The following NRXN1 variants were observed in gnomAD, a reference collection of about 807,000 sequenced individuals.
The protein encoded by NRXN1 is neurexin 1, also known as neurexin-1.
In NRXN1, 39 loss-of-function variants were observed where a neutral mutation model predicts 150.9. That is an observed-to-expected ratio of 0.26 (90% CI 0.20 to 0.34). The LOEUF is 0.34. Among genes scored for constraint, NRXN1 ranks in the 10% least tolerant of loss-of-function variants. NRXN1 has a pLI of 1.00. For missense variants in NRXN1, 1,815 were observed against 1,949.9 expected, an observed-to-expected ratio of 0.93 and a Z score of 1.30; for synonymous variants, 924 against 757.0, an observed-to-expected ratio of 1.22 and a Z score of -3.62.
intron 12 of NRXN1, among the ~76,000 whole-genome samples, chr2:50,515,986 T>A (rs1478460842): frequency 6.6e-6 from 1 of 152,140 alleles, no homozygotes; most frequent in Non-Finnish European, 1.5e-5. Context: ...GTCCTCCAGT[T>A]AAAAAAATTC....
At chr2:50,518,022 A>G (rs536326013) in intron 12 of NRXN1, among the ~76,000 whole-genome samples, 1 of 152,270 alleles carries the variant, frequency 6.6e-6, no homozygotes, top group East Asian at 1.9e-4. Flanking sequence ...CTACTAAGAA[A>G]CATTAAGCCT....
chr2:50,118,311 A>C (rs193157010), intron 18 of NRXN1, among the ~76,000 whole-genome samples: 1 of 152,306 alleles, frequency 6.6e-6, no homozygotes, highest in African/African-American at 2.4e-5. Flanking sequence ...TGATGCCGCC[A>C]GTCTGCAGGT....
intron 5 of NRXN1, among the ~76,000 whole-genome samples, chr2:50,697,017 T>C (rs1254443350): frequency 2.0e-5 from 3 of 152,138 alleles, no homozygotes; most frequent in Admixed American, 6.5e-5. Context: ...TTCAAGCACC[T>C]TAACAAACAA....
intron 17 of NRXN1, among the ~76,000 whole-genome samples, chr2:50,459,660 G>T (rs2087958527): frequency 6.6e-6 from 1 of 152,036 alleles, no homozygotes; most frequent in African/African-American, 2.4e-5. Flanking sequence ...TTTTATGTTT[G>T]CATGGTATTC....
chr2:50,263,684 A>T lies in NRXN1; in HGVS notation c.3365-26714T>A, dbSNP rs116796878. Among the ~76,000 whole-genome samples the T allele has an allele frequency of 4.2e-3, 638 of 152,228 alleles. 4 individuals carry two copies. The highest frequency in any genetic ancestry group is 0.014 in the African/African-American group (601 of 41,566). ...GAAAATAAATAAAGAGAAGAATAAA[A>T]ACAATAAGAACAATAACATTGGTTC... On this transcript the variant is annotated intron_variant, in intron 17 of 22. Coordinates refer to ENST00000401669, the MANE Select transcript of NRXN1 (RefSeq NM_001330078.2).
intron 5 of NRXN1, among the ~76,000 whole-genome samples, chr2:50,825,513 A>T (rs1670326192): frequency 6.6e-6 from 1 of 152,150 alleles, no homozygotes; most frequent in Non-Finnish European, 1.5e-5. Context: ...AATAACTCAA[A>T]AGGACTGGAG....
At chr2:50,196,054 C>T (rs1368937178) in intron 18 of NRXN1, among the ~76,000 whole-genome samples, 2 of 151,968 alleles carry the variant, frequency 1.3e-5, no homozygotes, top group Non-Finnish European at 2.9e-5. Flanking sequence ...TGATTTGCTG[C>T]ACCTATCAAC....
intron 2 of NRXN1, among the ~76,000 whole-genome samples, chr2:51,015,354 G>C (rs1030895472): frequency 1.3e-5 from 2 of 151,862 alleles, no homozygotes; most frequent in African/African-American, 4.8e-5. Flanking sequence ...ACCTCCTATG[G>C]GCAGAAGACA....
chr2:50,493,298 G>GA (rs967014183), intron 15 of NRXN1, among the ~76,000 whole-genome samples: 1 of 151,790 alleles, frequency 6.6e-6, no homozygotes, highest in African/African-American at 2.4e-5. Context: ...CATCCAGGTG[G>GA]AAAAAAGAAA....
chr2:50,595,060 C>T (rs1674935113), intron 8 of NRXN1, among the ~76,000 whole-genome samples: 1 of 150,692 alleles, frequency 6.6e-6, no homozygotes, highest in Non-Finnish European at 1.5e-5. Flanking sequence ...CTTATCTGCA[C>T]ATCCAGATTG....
intron 17 of NRXN1, among the ~76,000 whole-genome samples, chr2:50,416,902 T>C (rs1172157560): frequency 6.6e-6 from 1 of 152,132 alleles, no homozygotes; most frequent in South Asian, 2.1e-4. Context: ...AGCCAAACCA[T>C]GTAAACTATT....
chr2:50,630,564 A>T (rs1401784358), intron 5 of NRXN1, among the ~76,000 whole-genome samples: 3 of 151,784 alleles, frequency 2.0e-5, no homozygotes, highest in South Asian at 2.1e-4. Context: ...CTGCGGGCAG[A>T]ACGAAGTCCC....
At chr2:50,500,151 A>G (rs1430700193) in intron 13 of NRXN1, among the ~76,000 whole-genome samples, 1 of 152,154 alleles carries the variant, frequency 6.6e-6, no homozygotes, top group Non-Finnish European at 1.5e-5. Context: ...TTGAAATTAA[A>G]TATTACCTCC....
At chr2:50,989,893 T>C (rs562466727) in intron 2 of NRXN1, among the ~76,000 whole-genome samples, 138 of 152,182 alleles carry the variant, frequency 9.1e-4, no homozygotes, top group Non-Finnish European at 1.8e-3. Context: ...AATGGTTTAA[T>C]GGTTTTCCCA....
chr2:50,195,869 A>G (rs2061726049), intron 18 of NRXN1, among the ~76,000 whole-genome samples: 1 of 152,110 alleles, frequency 6.6e-6, no homozygotes, highest in Non-Finnish European at 1.5e-5. Flanking sequence ...TTGTAGAGTG[A>G]GAAGAAAGAA....
At chr2:50,501,969 T>C (rs937032945) in intron 13 of NRXN1, among the ~76,000 whole-genome samples, 4 of 152,206 alleles carry the variant, frequency 2.6e-5, no homozygotes, top group African/African-American at 9.6e-5. Flanking sequence ...CAGAAATTCT[T>C]CTCATTCAGT....
intron 21 of NRXN1, among the ~76,000 whole-genome samples, chr2:50,011,938 T>C (rs1685738948): frequency 1.3e-5 from 2 of 152,104 alleles, no homozygotes. Context: ...AATGCATTGA[T>C]GAATATACAG....
intron 9 of NRXN1, among the ~76,000 whole-genome samples, chr2:50,541,366 C>T (rs890922921): frequency 3.3e-5 from 5 of 152,020 alleles, no homozygotes; most frequent in African/African-American, 1.2e-4. Flanking sequence ...CCCTCTATTC[C>T]ATGTAGTTTC....
chr2:50,463,695 T>C (rs569162846), intron 17 of NRXN1, among the ~76,000 whole-genome samples: 15 of 151,870 alleles, frequency 9.9e-5, no homozygotes, highest in African/African-American at 3.4e-4. Context: ...AACAAATACA[T>C]ACACAAAATT....
Sources: allele counts gnomAD v4.1 joint callset (sites outside exome capture counted in the v4.1 genomes callset), GRCh38; gene constraint gnomAD v4.1.1; transcripts MANE v1.5; gene names NCBI Gene and HGNC (gene_info 2026-07-23, HGNC 2026-07-21).